The following MED19 variants were observed in gnomAD, a reference collection of about 807,000 sequenced individuals.
MED19 encodes the protein mediator complex subunit 19.
In MED19, 4 loss-of-function variants were observed where a neutral mutation model predicts 19.9. That is an observed-to-expected ratio of 0.20 (90% confidence interval 0.10 to 0.46). The LOEUF (loss-of-function observed/expected upper bound fraction) is 0.46, where lower values mean the gene tolerates loss of function less well. Among genes scored for constraint, MED19 ranks in the 20% least tolerant of loss-of-function variants. The probability of loss-of-function intolerance (pLI) is 0.99; values close to 1 mark genes in which losing one functional copy is unlikely to be tolerated. For missense variants in MED19, 303 were observed against 318.7 expected (o/e 0.95, Z 0.38); for synonymous variants, 139 against 119.6 (o/e 1.16, Z -1.06).
At chr11:57,704,006 A>G (rs1410265387) in exon 5 of MED19, 1 of 1,535,562 alleles carries the variant, frequency 6.5e-7, no homozygotes, top group Non-Finnish European at 8.7e-7. Flanking sequence ...ACAGCAGGAA[A>G]AGCCATCCTG....
chr11:57,709,592 C>G (rs1946541475), intron 1 of MED19, among the ~76,000 whole-genome samples: 1 of 152,182 alleles, frequency 6.6e-6, no homozygotes, highest in Non-Finnish European at 1.5e-5. Context: ...GGGTCTTCCT[C>G]TATCATCCAA....
At chr11:57,708,995 A>G (rs1344659687) in intron 1 of MED19, among the ~76,000 whole-genome samples, 1 of 152,254 alleles carries the variant, frequency 6.6e-6, no homozygotes, top group African/African-American at 2.4e-5. Flanking sequence ...TAAATACTGC[A>G]TGTAAGTGTG....
chr11:57,703,947 A>C, exon 5 of MED19: 1 of 1,503,530 alleles, frequency 6.7e-7, no homozygotes, highest in Non-Finnish European at 8.8e-7. Flanking sequence ...GGATGCTCCC[A>C]AGGCAGTGTC....
intron 3 of MED19, 48 bp downstream of exon 3, chr11:57,704,671 T>TTG: frequency 4.5e-6 from 2 of 439,668 alleles, no homozygotes; most frequent in Non-Finnish European, 6.6e-6. Flanking sequence ...AAGGTCAGGT[T>TTG]TTTTTTTTTT....
At chr11:57,710,603 T>C (rs766457566) in intron 1 of MED19, among the ~76,000 whole-genome samples, 2 of 152,214 alleles carry the variant, frequency 1.3e-5, no homozygotes, top group Non-Finnish European at 2.9e-5. Flanking sequence ...TGTCCATACA[T>C]GGCTGGCCCT....
At chr11:57,707,863 C>T (rs911942933) in intron 1 of MED19, among the ~76,000 whole-genome samples, 7 of 152,200 alleles carry the variant, frequency 4.6e-5, no homozygotes, top group African/African-American at 1.4e-4. Context: ...GAGACAGTCT[C>T]GCTCTGTCAC....
intron 1 of MED19, among the ~76,000 whole-genome samples, chr11:57,707,512 TAATA>T (rs1350948611): frequency 2.0e-5 from 3 of 152,336 alleles, no homozygotes; most frequent in African/African-American, 7.2e-5. Flanking sequence ...ATTAGGTGCT[TAATA>T]AATATTTATT....
At chr11:57,708,965 G>A (rs1003241112) in intron 1 of MED19, among the ~76,000 whole-genome samples, 5 of 152,156 alleles carry the variant, frequency 3.3e-5, no homozygotes, top group Admixed American at 6.5e-5. Flanking sequence ...GCTATTCTAA[G>A]TATTAAATAC....
chr11:57,709,856 T>C (rs1364952133), intron 1 of MED19, among the ~76,000 whole-genome samples: 1 of 152,170 alleles, frequency 6.6e-6, no homozygotes, highest in African/African-American at 2.4e-5. Context: ...CCACAGCGCC[T>C]GGCCCTGTAT....
intron 3 of MED19, 42 bp from the exon 4 acceptor site, chr11:57,704,438 A>T (rs1349410543): frequency 6.6e-7 from 1 of 1,520,892 alleles, no homozygotes; most frequent in East Asian, 2.4e-5. Context: ...AAAGCTCAAA[A>T]TCCTCTACTG....
At chr11:57,710,153 G>A (rs1177171097) in intron 1 of MED19, among the ~76,000 whole-genome samples, 1 of 152,204 alleles carries the variant, frequency 6.6e-6, no homozygotes, top group Non-Finnish European at 1.5e-5. Flanking sequence ...CTGTTGGCCA[G>A]GAGTTCAAGA....
At chr11:57,704,915 A>G in intron 2 of MED19, 58 bp downstream of exon 2, 3 of 1,603,776 alleles carry the variant, frequency 1.9e-6, no homozygotes, top group Non-Finnish European at 2.6e-6. Context: ...ACTTGGAGAG[A>G]AAAACCATCT....
At chr11:57,711,890 C>T in intron 1 of MED19, 73 bp downstream of exon 1, 1 of 1,367,470 alleles carries the variant, frequency 7.3e-7, no homozygotes, top group East Asian at 3.0e-5. Flanking sequence ...CCTCCGCTAG[C>T]CGGCTGAGAG....
At chr11:57,712,011 T>C in exon 1 of MED19, 1 of 1,531,116 alleles carries the variant, frequency 6.5e-7, no homozygotes, top group Non-Finnish European at 8.8e-7. Flanking sequence ...GCTCCTGACT[T>C]GTCCGCGCCA....
In MED19 at chr11:57,707,215, AG is replaced by A. The variant is rs1946519169; in HGVS notation, c.218-1987del. On this transcript the variant is annotated intron_variant, in intron 1 of 4. Coordinates refer to ENST00000431606, the Ensembl canonical transcript of MED19. Reference sequence around the variant, plus strand: ...TCCATCTCAAAAAAAAAAAAAAAAAAGTATTATATGTATGCAAGGCACTATC... The same window carrying A: ...TCCATCTCAAAAAAAAAAAAAAAAAATATTATATGTATGCAAGGCACTATC... Among the ~76,000 whole-genome samples, 3 of 151,988 alleles carry A rather than the reference AG, an allele frequency of 2.0e-5. No individual in the cohort carries two copies. The South Asian group carries it at 6.2e-4, about 31-fold the overall frequency.
At chr11:57,707,507 G>A (rs940461319) in intron 1 of MED19, among the ~76,000 whole-genome samples, 1 of 152,174 alleles carries the variant, frequency 6.6e-6, no homozygotes, top group Non-Finnish European at 1.5e-5. Context: ...CACACATTAG[G>A]TGCTTAATAA....
At chr11:57,709,255 C>G in intron 1 of MED19, among the ~76,000 whole-genome samples, 1 of 152,028 alleles carries the variant, frequency 6.6e-6, no homozygotes, top group East Asian at 1.9e-4. Context: ...GTGGCACATG[C>G]CTGTAATCCG....
chr11:57,704,450 T>C (rs1946483193), intron 3 of MED19, 54 bp from the exon 4 acceptor site: 3 of 1,533,706 alleles, frequency 2.0e-6, no homozygotes, highest in African/African-American at 2.8e-5. Context: ...CCTCTACTGT[T>C]ATGAACCACT....
At chr11:57,705,099 A>G in exon 2 of MED19, 2 of 1,614,170 alleles carry the variant, frequency 1.2e-6, no homozygotes, top group Non-Finnish European at 1.7e-6. Flanking sequence ...CAGGCAGATC[A>G]ATCATCCCTG....
Sources: gnomAD v4.1 joint callset for allele counts (sites outside exome capture counted in the v4.1 genomes callset) on GRCh38, gnomAD v4.1.1 for gene constraint, MANE v1.5 for transcripts, NCBI Gene and HGNC (gene_info 2026-07-23, HGNC 2026-07-21) for gene names.